The following RAPGEF4 variants were observed in gnomAD, a reference collection of about 807,000 sequenced individuals.
RAPGEF4 encodes the protein Rap guanine nucleotide exchange factor 4, also known as RAP guanine-nucleotide-exchange factor (GEF) 4.
RAPGEF4 carries 66 observed loss-of-function variants against 147.9 expected under a neutral mutation model. The ratio of observed to expected loss-of-function variants is 0.45; its 90% CI spans 0.37 to 0.55. RAPGEF4 has a LOEUF of 0.55. Among genes scored for constraint, RAPGEF4 ranks in the 20% least tolerant of loss-of-function variants. The pLI, the probability that RAPGEF4 is intolerant of heterozygous loss-of-function variation, is 0.00. For synonymous variants in RAPGEF4, 419 were observed against 442.7 expected (o/e 0.95, Z 0.67); for missense variants, 1,071 against 1,257.3 (o/e 0.85, Z 2.24).
chr2:172,850,094 C>A (rs1225420081), intron 4 of RAPGEF4, among the ~76,000 whole-genome samples: 7 of 151,974 alleles, frequency 4.6e-5, no homozygotes, highest in African/African-American at 1.7e-4. Context: ...TTGACCTGAC[C>A]CATGTTTTCT....
At chr2:172,860,155 T>C (rs1693865644) in intron 4 of RAPGEF4, 37 of 982,568 alleles carry the variant, frequency 3.8e-5, no homozygotes, top group Non-Finnish European at 4.5e-5. Context: ...CCAGCTCTCA[T>C]ACATCACTAA....
chr2:172,992,771 T>C (rs1368579059), intron 15 of RAPGEF4, among the ~76,000 whole-genome samples: 2 of 152,214 alleles, frequency 1.3e-5, no homozygotes, highest in East Asian at 1.9e-4. Flanking sequence ...CAAAAACTTA[T>C]GCATGTTCAC....
chr2:172,858,720 C>G (rs1391063072), intron 4 of RAPGEF4, among the ~76,000 whole-genome samples: 1 of 152,072 alleles, frequency 6.6e-6, no homozygotes, highest in South Asian at 2.1e-4. Context: ...TTAAGTATAA[C>G]CAAGTTTTAG....
chr2:172,839,021 G>C lies in RAPGEF4; in HGVS notation c.444+24596G>C, dbSNP rs541495036. Among the ~76,000 whole-genome samples the C allele has an allele frequency of 3.9e-5, 6 of 152,190 alleles. No individual in the cohort carries two copies. In the South Asian group the frequency reaches 1.2e-3, roughly 32 times the overall value. ...CCAAACAGGGAACAGCTTTCTTCTG[G>C]TGTAGGTCTCCATGACCCCTCCCCT... On this transcript the variant is annotated intron_variant, in intron 4 of 30. Transcript: ENST00000397081.
intron 1 of RAPGEF4, among the ~76,000 whole-genome samples, chr2:172,737,799 G>C (rs575653095): frequency 6.8e-6 from 1 of 146,650 alleles, no homozygotes; most frequent in Admixed American, 6.9e-5. Context: ...TTTAGGCACA[G>C]AGCTGTTACC....
Position 172,821,258 on chromosome 2 carries a change from T to C in RAPGEF4, c.444+6833T>C, listed in dbSNP as rs139120036. The stretch of plus-strand genomic sequence containing the variant: ...GGTTTATATTTAATGGGCTTGGGTA[T>C]TGAGTTAGGAATGCCCGGCCCACCT... On this transcript the variant is annotated intron_variant, in intron 4 of 30. Coordinates refer to ENST00000397081, the MANE Select transcript of RAPGEF4 (RefSeq NM_007023.4). Among the ~76,000 whole-genome samples the C allele has an allele frequency of 5.3e-4, 80 of 152,314 alleles. No individual in the cohort carries two copies. In the East Asian group the frequency reaches 0.014, roughly 26 times the overall value.
chr2:172,946,556 A>G (rs1412957558), intron 6 of RAPGEF4, among the ~76,000 whole-genome samples: 5 of 152,076 alleles, frequency 3.3e-5, no homozygotes, highest in African/African-American at 9.7e-5. Flanking sequence ...GGGGACTCAC[A>G]ATGCCTTAAA....
At chr2:172,736,119 T>C in intron 1 of RAPGEF4, 71 bp downstream of exon 1, 1 of 1,229,934 alleles carries the variant, frequency 8.1e-7, no homozygotes, top group African/African-American at 1.6e-5. Context: ...CCGCCGCAGC[T>C]CCGCACCTGG....
intron 1 of RAPGEF4, among the ~76,000 whole-genome samples, chr2:172,750,953 A>G (rs1695229930): frequency 6.6e-6 from 1 of 152,078 alleles, no homozygotes; most frequent in African/African-American, 2.4e-5. Context: ...TTTTTATTGT[A>G]TTGATTGTTT....
chr2:172,926,405 G>A (rs1435202704), intron 6 of RAPGEF4, among the ~76,000 whole-genome samples: 1 of 152,152 alleles, frequency 6.6e-6, no homozygotes, highest in Non-Finnish European at 1.5e-5. Context: ...CTGCTATGGG[G>A]TTTCCTAGTT....
At chr2:172,873,531 C>T (rs1695494257) in intron 4 of RAPGEF4, among the ~76,000 whole-genome samples, 1 of 152,144 alleles carries the variant, frequency 6.6e-6, no homozygotes, top group Non-Finnish European at 1.5e-5. Context: ...AACTCATAAT[C>T]ATTTAGCACA....
intron 6 of RAPGEF4, among the ~76,000 whole-genome samples, chr2:172,929,653 T>C (rs893311919): frequency 6.6e-6 from 1 of 152,222 alleles, no homozygotes; most frequent in African/African-American, 2.4e-5. Context: ...AATATACCAC[T>C]GCTTGCTTGA....
chr2:173,037,177 C>T (rs1342771259), intron 29 of RAPGEF4, among the ~76,000 whole-genome samples: 1 of 152,156 alleles, frequency 6.6e-6, no homozygotes, highest in Non-Finnish European at 1.5e-5. Flanking sequence ...AACATGAAAA[C>T]CTTTATAATA....
At chr2:172,939,642 A>AT (rs969707074) in intron 6 of RAPGEF4, among the ~76,000 whole-genome samples, 1 of 151,732 alleles carries the variant, frequency 6.6e-6, no homozygotes, top group African/African-American at 2.4e-5. Flanking sequence ...TCCAACATTC[A>AT]TTTTTTTTCT....
At chr2:173,014,711 C>A in intron 18 of RAPGEF4, 97 bp downstream of exon 18, 2 of 1,165,004 alleles carry the variant, frequency 1.7e-6, no homozygotes, top group Non-Finnish European at 2.3e-6. Context: ...ACCGTAATTG[C>A]AAATGCTAGA....
intron 6 of RAPGEF4, among the ~76,000 whole-genome samples, chr2:172,931,452 G>A (rs1242110362): frequency 6.6e-6 from 1 of 152,130 alleles, no homozygotes; most frequent in African/African-American, 2.4e-5. Context: ...TCAATTCTCA[G>A]TTCTGGGAAG....
At chr2:173,028,164 T>C (rs979791504) in intron 25 of RAPGEF4, among the ~76,000 whole-genome samples, 7 of 152,126 alleles carry the variant, frequency 4.6e-5, no homozygotes, top group African/African-American at 1.7e-4. Context: ...AACTTGAGGG[T>C]TCAATAGAAT....
At chr2:172,769,880 T>G (rs1292383402) in intron 1 of RAPGEF4, among the ~76,000 whole-genome samples, 1 of 152,168 alleles carries the variant, frequency 6.6e-6, no homozygotes, top group East Asian at 1.9e-4. Context: ...AATATTTGTA[T>G]TTGCAAAATC....
At position 172,887,419 on chromosome 2, in the gene RAPGEF4, T is replaced by C. The variant is rs189260488; in HGVS notation, c.445-30383T>C. ...AATGCCTATAGGAACTTCTCTAATC[T>C]GATTTCCAAGGTGTCCTTATAATCT... On this transcript the variant is annotated intron_variant, in intron 4 of 30. Transcript: ENST00000397081. Among the ~76,000 whole-genome samples, 18 of 152,346 alleles carry C rather than the reference T, an allele frequency of 1.2e-4. 2 individuals carry two copies. Among genetic ancestry groups the C allele is most frequent in the Admixed American group, 1.1e-3 (17 of 15,306 alleles).
Sources: gnomAD v4.1 joint callset for allele counts (sites outside exome capture counted in the v4.1 genomes callset) on GRCh38, gnomAD v4.1.1 for gene constraint, MANE v1.5 for transcripts, NCBI Gene and HGNC (gene_info 2026-07-23, HGNC 2026-07-21) for gene names.